CSMD1: variants seen among roughly 807,000 people sequenced by gnomAD.
The protein encoded by CSMD1 is CUB and Sushi multiple domains 1, also known as CUB and sushi domain-containing protein 1.
A neutral mutation model predicts 417.5 loss-of-function variants in CSMD1; 213 were observed. The ratio of observed to expected loss-of-function variants is 0.51; its 90% CI spans 0.46 to 0.57. The LOEUF is 0.57. Among genes scored for constraint, CSMD1 ranks in the 20% least tolerant of loss-of-function variants. CSMD1 has a pLI of 0.00. For missense variants in CSMD1, 6,923 were observed against 4,529.7 expected, an observed-to-expected ratio of 1.53 and a Z score of -15.17; for synonymous variants, 2,862 against 1,736.8, an observed-to-expected ratio of 1.65 and a Z score of -16.11.
chr8:4,915,438 G>C lies in CSMD1; in HGVS notation c.85+78894C>G, dbSNP rs969826343. Among the ~76,000 whole-genome samples the C allele has an allele frequency of 2.6e-5, 4 of 152,128 alleles. No homozygotes were observed. The East Asian group carries it at 7.7e-4, about 29-fold the overall frequency. ...ACACTGTGTTGTCGAGTATAGATTG[G>C]AAACCACATATCTGCGTACAATCTT... On this transcript the variant is annotated intron_variant, in intron 1 of 69. Transcript: ENST00000635120.
At chr8:4,634,051 G>C (rs560866833) in intron 2 of CSMD1, among the ~76,000 whole-genome samples, 1 of 150,138 alleles carries the variant, frequency 6.7e-6, no homozygotes, top group Non-Finnish European at 1.5e-5. Context: ...ACAAAGATCA[G>C]ATTTTTCATT....
At chr8:4,216,562 G>C (rs1001889680) in intron 3 of CSMD1, among the ~76,000 whole-genome samples, 17 of 152,194 alleles carry the variant, frequency 1.1e-4, no homozygotes, top group Non-Finnish European at 1.8e-4. Context: ...GCCTGAGTCT[G>C]CTGCCACTGC....
At chr8:3,076,526 C>T (rs1375127267) in intron 49 of CSMD1, among the ~76,000 whole-genome samples, 3 of 152,200 alleles carry the variant, frequency 2.0e-5, no homozygotes, top group Non-Finnish European at 4.4e-5. Flanking sequence ...ATCTCTGGTG[C>T]CACTGCCCAG....
At position 3,022,266 on chromosome 8, in the gene CSMD1, C is replaced by T. The variant is rs1374566163; in HGVS notation, c.7856-3616G>A. ...ACAGCATCTGGAATGCACCCGCAAT[C>T]CCACATCCAGAGCATCCGGAATGCA... On this transcript the variant is annotated intron_variant, in intron 51 of 69. Transcript: ENST00000635120. Among the ~76,000 whole-genome samples, 3 of 150,926 alleles carry T rather than the reference C, an allele frequency of 2.0e-5. 1 individual carries two copies.
intron 1 of CSMD1, among the ~76,000 whole-genome samples, chr8:4,935,420 C>T (rs992363411): frequency 2.6e-5 from 4 of 152,156 alleles, no homozygotes; most frequent in African/African-American, 4.8e-5. Flanking sequence ...TTGAAGTTAC[C>T]GGTTCATTTC....
intron 1 of CSMD1, among the ~76,000 whole-genome samples, chr8:4,700,937 G>C (rs991695031): frequency 2.6e-5 from 4 of 152,138 alleles, no homozygotes; most frequent in Non-Finnish European, 5.9e-5. Context: ...CACTGTGGAA[G>C]GTATCAAGTA....
At chr8:4,597,025 C>T (rs1391454415) in intron 2 of CSMD1, among the ~76,000 whole-genome samples, 1 of 152,186 alleles carries the variant, frequency 6.6e-6, no homozygotes. Flanking sequence ...CCATGTAGAA[C>T]TGTAAGATCA....
chr8:3,002,368 G>C (rs1807481450), intron 52 of CSMD1, among the ~76,000 whole-genome samples: 1 of 152,174 alleles, frequency 6.6e-6, no homozygotes, highest in African/African-American at 2.4e-5. Flanking sequence ...TAGAGACAGG[G>C]AGACGAGGAC....
chr8:4,836,927 T>C (rs1033358841), intron 1 of CSMD1, among the ~76,000 whole-genome samples: 1 of 152,148 alleles, frequency 6.6e-6, no homozygotes, highest in African/African-American at 2.4e-5. Flanking sequence ...AGAGTTCTAA[T>C]GGGAAACCTC....
chr8:3,046,386 A>T (rs559812526), intron 50 of CSMD1, among the ~76,000 whole-genome samples: 9 of 152,244 alleles, frequency 5.9e-5, no homozygotes, highest in African/African-American at 2.2e-4. Flanking sequence ...TCCACCCTAC[A>T]GTGTGTAGCT....
chr8:3,701,324 G>C (rs1454252031), intron 7 of CSMD1, among the ~76,000 whole-genome samples: 1 of 152,078 alleles, frequency 6.6e-6, no homozygotes, highest in African/African-American at 2.4e-5. Context: ...TATTTCTCAT[G>C]GTAGCCCTAT....
chr8:3,351,651 T>G (rs2654487), intron 21 of CSMD1, among the ~76,000 whole-genome samples: 1 of 147,840 alleles, frequency 6.8e-6, no homozygotes, highest in African/African-American at 2.5e-5. Context: ...ACTTGGCTTG[T>G]TAACTAGAAA....
At chr8:4,254,295 A>G (rs772569211) in intron 3 of CSMD1, among the ~76,000 whole-genome samples, 1 of 152,130 alleles carries the variant, frequency 6.6e-6, no homozygotes, top group Non-Finnish European at 1.5e-5. Context: ...CCCTAAAAAC[A>G]CAGAATCAGG....
At chr8:4,088,303 G>A (rs984893223) in intron 3 of CSMD1, among the ~76,000 whole-genome samples, 3 of 152,198 alleles carry the variant, frequency 2.0e-5, no homozygotes, top group Non-Finnish European at 4.4e-5. Context: ...AATACAGCCT[G>A]CAAAGCTAGA....
intron 11 of CSMD1, among the ~76,000 whole-genome samples, chr8:3,476,443 T>C (rs956317660): frequency 6.6e-6 from 1 of 152,176 alleles, no homozygotes; most frequent in Non-Finnish European, 1.5e-5. Flanking sequence ...TTTTCTAGGG[T>C]AAATACTTAG....
chr8:3,050,605 TCCCATA>T (rs1183371453), intron 50 of CSMD1, among the ~76,000 whole-genome samples: 1 of 152,170 alleles, frequency 6.6e-6, no homozygotes, highest in Non-Finnish European at 1.5e-5. Context: ...TATCCTAGCC[TCCCATA>T]CTATTACTTA....
rs895819846 is a variant in CSMD1 at position 3,816,134 on chromosome 8, C to G, written c.819-62092G>C. Among the ~76,000 whole-genome samples the G allele has an allele frequency of 2.6e-5, 4 of 152,164 alleles. No homozygotes were observed. The East Asian group carries it at 7.7e-4, about 29-fold the overall frequency. On this transcript the variant is annotated intron_variant, in intron 5 of 69. Coordinates refer to ENST00000635120, the MANE Select transcript of CSMD1 (RefSeq NM_033225.6). ...ATCTCATTAACACAACAATCGCAGG[C>G]TCAGTCTCAAAGAAAACAAGATTGG... is the stretch of plus-strand genomic sequence containing the variant.
intron 2 of CSMD1, among the ~76,000 whole-genome samples, chr8:4,603,274 AT>A (rs1278081951): frequency 2.0e-5 from 3 of 151,782 alleles, no homozygotes; most frequent in Admixed American, 6.6e-5. Flanking sequence ...TACTCCTTTA[AT>A]TTTTTTTACA....
intron 3 of CSMD1, among the ~76,000 whole-genome samples, chr8:4,150,877 G>C (rs537477759): frequency 2.1e-5 from 1 of 47,402 alleles, no homozygotes; most frequent in Admixed American, 2.8e-4. Context: ...AAAATGTCCT[G>C]CTGAGAAACG....
Sources: allele counts gnomAD v4.1 joint callset (sites outside exome capture counted in the v4.1 genomes callset), GRCh38; gene constraint gnomAD v4.1.1; transcripts MANE v1.5; gene names NCBI Gene and HGNC (gene_info 2026-07-23, HGNC 2026-07-21).